RUVBL1: variants seen among roughly 807,000 people sequenced by gnomAD.
RUVBL1 encodes the protein RuvB like AAA ATPase 1.
In RUVBL1, 4 loss-of-function variants were observed where a neutral mutation model predicts 52.4. That is an observed-to-expected ratio of 0.08 (90% confidence interval 0.04 to 0.17). The LOEUF is 0.17. RUVBL1 is among the 10% of genes least tolerant of loss of function. The probability of loss-of-function intolerance (pLI) is 1.00; values close to 1 mark genes in which losing one functional copy is unlikely to be tolerated. For missense variants in RUVBL1, 298 were observed against 572.8 expected, an observed-to-expected ratio of 0.52 and a Z score of 4.90; for synonymous variants, 217 against 214.4, an observed-to-expected ratio of 1.01 and a Z score of -0.10.
intron 9 of RUVBL1, chr3:128,068,150 C>A: frequency 1.1e-6 from 1 of 893,366 alleles, no homozygotes; most frequent in Non-Finnish European, 1.8e-6. Context: ...CTAGCACTTA[C>A]TGGGTCACTA....
chr3:128,092,688 A>G (rs1172712507), intron 8 of RUVBL1, among the ~76,000 whole-genome samples: 1 of 152,252 alleles, frequency 6.6e-6, no homozygotes, highest in Non-Finnish European at 1.5e-5. Flanking sequence ...TCTATAATCA[A>G]AAAGACAGAC....
chr3:128,101,447 C>T (rs1029347456), intron 5 of RUVBL1, 112 bp downstream of exon 5: 2 of 938,910 alleles, frequency 2.1e-6, no homozygotes, highest in African/African-American at 3.3e-5. Flanking sequence ...TAACAGACAC[C>T]AGCCCCTCCC....
chr3:128,120,041 G>A (rs1943608094), intron 1 of RUVBL1, among the ~76,000 whole-genome samples: 2 of 152,232 alleles, frequency 1.3e-5, no homozygotes, highest in Non-Finnish European at 2.9e-5. Context: ...AAAAGATGGT[G>A]CTAGCTACTA....
intron 9 of RUVBL1, chr3:128,065,236 C>T (rs1941929904): frequency 1.5e-6 from 1 of 674,514 alleles, no homozygotes; most frequent in South Asian, 1.6e-5. Flanking sequence ...ATTAACGAAA[C>T]AAAATTAAGG....
At chr3:128,073,656 C>T (rs1370707556) in intron 9 of RUVBL1, among the ~76,000 whole-genome samples, 2 of 152,204 alleles carry the variant, frequency 1.3e-5, no homozygotes, top group East Asian at 3.8e-4. Flanking sequence ...TTCCACTCAG[C>T]AAACATTATT....
chr3:128,115,904 T>C lies in RUVBL1; in HGVS notation c.229-2884A>G, dbSNP rs150995965. 4.6e-3 allele frequency among the ~76,000 whole-genome samples: 697 copies of C among 151,698 alleles called. 5 individuals carry two copies. Among genetic ancestry groups the C allele is most frequent in the African/African-American group, 0.015 (612 of 41,378 alleles). ...ACTTTGGGAGGCCGAGGCAGGTGGA[T>C]TGCTTGAGCCCAGGAGTTCAAGACC... On this transcript the variant is annotated intron_variant, in intron 2 of 10. Coordinates refer to ENST00000322623, the MANE Select transcript of RUVBL1 (RefSeq NM_003707.3).
In RUVBL1 at chr3:128,138,235, A is replaced by G. The variant is rs542663668; in HGVS notation, c.-40+14968T>C. ...GAAATAAAAGGCATTCAAATCGGAA[A>G]GAAAGAGGTCAAATTATTCTTCCTT... is the stretch of plus-strand genomic sequence containing the variant. On this transcript the variant is annotated intron_variant, in intron 1 of 9. Transcript: ENST00000464873. Among the ~76,000 whole-genome samples, 3 of 151,918 alleles carry G rather than the reference A, an allele frequency of 2.0e-5. No homozygotes were observed. The South Asian group carries it at 6.2e-4, about 32-fold the overall frequency.
intron 1 of RUVBL1, among the ~76,000 whole-genome samples, chr3:128,139,960 G>T (rs1426792383): frequency 1.3e-5 from 2 of 152,130 alleles, no homozygotes; most frequent in Admixed American, 1.3e-4. Flanking sequence ...TCTAGTGTTT[G>T]ATAGCACAGC....
At chr3:128,065,224 C>A in intron 9 of RUVBL1, 1 of 703,470 alleles carries the variant, frequency 1.4e-6, no homozygotes, top group Non-Finnish European at 2.5e-6. Context: ...ATGGGACCTG[C>A]CATTAACGAA....
At chr3:128,144,331 T>A (rs1446787068) in intron 1 of RUVBL1, among the ~76,000 whole-genome samples, 1 of 152,246 alleles carries the variant, frequency 6.6e-6, no homozygotes, top group African/African-American at 2.4e-5. Context: ...TTGGCCTTAA[T>A]GAAGTTGAAT....
In RUVBL1 at chr3:128,112,939, T is replaced by C. The variant is rs779078180; in HGVS notation, c.310A>G (p.Thr104Ala). Reference protein sequence around the residue: ...CPMVGSEVYSTEIKKTEVLME... With the variant: ...CPMVGSEVYSAEIKKTEVLME... The stretch of plus-strand genomic sequence containing the variant: ...AGCACCTCTGTCTTCTTGATCTCAG[T>C]TGAGTAAACTTCACTCCCCACCATT... Residue 104 changes from threonine to alanine, a missense_variant, in exon 3 of 11, where the codon ACT becomes GCT. Physicochemically the swap from Thr to Ala is moderately conservative, Grantham distance 58. Around this residue, in one of 5 missense-constraint regions of RUVBL1, gnomAD observed 8 missense variants for 44.3 expected, o/e 0.18. Coordinates refer to ENST00000322623, the MANE Select transcript of RUVBL1 (RefSeq NM_003707.3). 1.4e-5 allele frequency: 22 copies of C among 1,614,056 alleles called. No homozygotes were observed. In the East Asian group the frequency reaches 3.8e-4, roughly 28 times the overall value.
chr3:128,078,920 C>T (rs1158562484), downstream of RUVBL1: 2 of 152,234 alleles, frequency 1.3e-5, no homozygotes, highest in Non-Finnish European at 2.9e-5. Flanking sequence ...CTTTGGAGCA[C>T]AGACCAGCGA....
intron 9 of RUVBL1, chr3:128,071,815 C>G (rs1208817064): frequency 6.6e-6 from 1 of 152,436 alleles, no homozygotes; most frequent in African/African-American, 2.4e-5. Context: ...TGGAAAAGTT[C>G]CCTTCTGATG....
rs1215467103 is a variant in RUVBL1 at position 128,139,592 on chromosome 3, G to C, written c.-40+13611C>G. Among the ~76,000 whole-genome samples, 4 of 152,238 alleles carry C rather than the reference G, an allele frequency of 2.6e-5. No individual in the cohort carries two copies. The East Asian group carries it at 7.7e-4, about 29-fold the overall frequency. On this transcript the variant is annotated intron_variant, in intron 1 of 9. Coordinates refer to the RUVBL1 transcript ENST00000464873. The stretch of plus-strand genomic sequence containing the variant: ...GAGAAAAAGTAATCAGTATGTCTAA[G>C]AGACATCTGTACTCCCGTGTTTACT...
chr3:128,068,533 T>C (rs1304655405), intron 9 of RUVBL1: 1 of 161,744 alleles, frequency 6.2e-6, no homozygotes, highest in Non-Finnish European at 1.4e-5. Context: ...GGGGTTGATG[T>C]GCATCTGAAG....
At chr3:128,100,460 AAT>A in intron 6 of RUVBL1, 133 bp downstream of exon 6, 4 of 999,948 alleles carry the variant, frequency 4.0e-6, no homozygotes, top group Non-Finnish European at 5.7e-6. Context: ...TGTCGATGTT[AAT>A]TGCTGAACAT....
At chr3:128,099,688 C>T (rs1265454897) in intron 6 of RUVBL1, among the ~76,000 whole-genome samples, 6 of 152,138 alleles carry the variant, frequency 3.9e-5, no homozygotes, top group Non-Finnish European at 8.8e-5. Context: ...GTTACCAGGC[C>T]CTGAGACACA....
chr3:128,064,906 C>G lies in RUVBL1; in HGVS notation c.*306G>C, dbSNP rs1354357334. On this transcript the variant is annotated 3_prime_UTR_variant, in exon 10 of 10. Coordinates refer to the RUVBL1 transcript ENST00000464873. ...GGAATTTGAAGGTGCTATCATCGCA[C>G]TTTTCCATCTGCTGGCCACACGCAC... 27 of 1,612,202 alleles carry G rather than the reference C, an allele frequency of 1.7e-5. No individual in the cohort carries two copies. The highest frequency in any genetic ancestry group is 2.2e-5 in the Non-Finnish European group (26 of 1,178,850).
At chr3:128,104,419 T>C (rs1943176687) in intron 4 of RUVBL1, among the ~76,000 whole-genome samples, 1 of 152,182 alleles carries the variant, frequency 6.6e-6, no homozygotes, top group South Asian at 2.1e-4. Flanking sequence ...CACTGATAAC[T>C]GGAAAAATTA....
Sources: gnomAD v4.1 joint callset for allele counts (sites outside exome capture counted in the v4.1 genomes callset) on GRCh38, gnomAD v4.1.1 for gene constraint, gnomAD v4.1.1 regional missense constraint, MANE v1.5 for transcripts, NCBI Gene and HGNC (gene_info 2026-07-23, HGNC 2026-07-21) for gene names.